Variants in UBE2V1 observed in about 807,000 individuals in gnomAD.
The protein encoded by UBE2V1 is ubiquitin-conjugating enzyme E2 variant 1.
In UBE2V1, 15 loss-of-function variants were observed where a neutral mutation model predicts 19.6. The observed-to-expected ratio is 0.77, with a 90% CI of 0.51 to 1.18. The LOEUF (loss-of-function observed/expected upper bound fraction) is 1.18, where lower values mean the gene tolerates loss of function less well. Among genes scored for constraint, UBE2V1 ranks in the 50% most tolerant of loss-of-function variants. The pLI, the probability that UBE2V1 is intolerant of heterozygous loss-of-function variation, is 0.00. For missense variants in UBE2V1, 125 were observed against 184.8 expected (o/e 0.68, Z 1.88); for synonymous variants, 60 against 60.7 (o/e 0.99, Z 0.05).
intron 1 of UBE2V1, among the ~76,000 whole-genome samples, chr20:50,100,047 G>A (rs948908422): frequency 1.3e-5 from 2 of 152,122 alleles, no homozygotes; most frequent in East Asian, 1.9e-4. Context: ...GCAGTGAGGC[G>A]AGACTGCACC....
At chr20:50,106,887 A>C (rs6012836) in intron 1 of UBE2V1, among the ~76,000 whole-genome samples, 4 of 149,900 alleles carry the variant, frequency 2.7e-5, no homozygotes, top group African/African-American at 5.0e-5. Context: ...AAAAAAAAAA[A>C]CAAAAAAAAG....
intron 1 of UBE2V1, among the ~76,000 whole-genome samples, chr20:50,112,386 G>A (rs1223735171): frequency 1.3e-5 from 2 of 152,144 alleles, no homozygotes; most frequent in South Asian, 2.1e-4. Flanking sequence ...CCTCGAACAG[G>A]AGACTGGTAA....
intron 2 of UBE2V1, among the ~76,000 whole-genome samples, chr20:50,085,924 G>T (rs1484072626): frequency 2.0e-5 from 3 of 151,552 alleles, no homozygotes; most frequent in Non-Finnish European, 4.4e-5. Flanking sequence ...TTCTACCTCT[G>T]AAAGAGACCC....
chr20:50,095,482 TAAG>T (rs1291865939), intron 2 of UBE2V1: 11 of 152,226 alleles, frequency 7.2e-5, no homozygotes, highest in Non-Finnish European at 2.9e-5. Context: ...CAAAATGACT[TAAG>T]AAGCAACATT....
chr20:50,089,043 GAA>G (rs1377374331), intron 2 of UBE2V1, among the ~76,000 whole-genome samples: 2 of 151,972 alleles, frequency 1.3e-5, no homozygotes, highest in African/African-American at 4.8e-5. Flanking sequence ...GATAAATCAG[GAA>G]AAAAGACTCC....
chr20:50,097,497 C>T (rs1392385178), intron 1 of UBE2V1, among the ~76,000 whole-genome samples: 6 of 152,140 alleles, frequency 3.9e-5, no homozygotes, highest in East Asian at 3.9e-4. Flanking sequence ...GCCACAGTAC[C>T]GGGTTCAGGC....
intron 1 of UBE2V1, among the ~76,000 whole-genome samples, chr20:50,101,896 T>C (rs1252180492): frequency 6.6e-6 from 1 of 152,230 alleles, no homozygotes; most frequent in East Asian, 1.9e-4. Flanking sequence ...AGGACACTGT[T>C]ACTTAGCCTT....
Position 50,084,263 on chromosome 20 carries a change from A to G in UBE2V1, c.172-9T>C. On this transcript the variant is annotated splice_polypyrimidine_tract_variant and intron_variant, in intron 2 of 3. Transcript: ENST00000371674. ...CGGTTTTCATAAATTGTCTGGAAAA[A>G]AAGAGTACGGAGATGTCACGCAATT... is the stretch of plus-strand genomic sequence containing the variant. 3 of 1,610,178 alleles carry G rather than the reference A, an allele frequency of 1.9e-6. No individual in the cohort carries two copies. The highest frequency in any genetic ancestry group is 2.2e-5 in the East Asian group (1 of 44,776).
chr20:50,084,224 T>C lies in UBE2V1; in HGVS notation c.202A>G (p.Lys68Glu). Residue 68 changes from lysine (K) to glutamate (E), a missense_variant, in exon 3 of 4, where the codon AAA (lysine) becomes GAA (glutamate). By Grantham distance (56) the Lys-to-Glu change is moderately conservative. This residue lies in a region of UBE2V1 where 78 missense variants were observed against 108.8 expected (regional missense o/e 0.72). Coordinates refer to ENST00000371674, the MANE Select transcript of UBE2V1 (RefSeq NM_001032288.3). Reference sequence around the variant, plus strand: ...GGGTATTTAGGTCCACATTCTATTTTAAGGCTGTATATTCGGTTTTCATAA... The same window carrying C: ...GGGTATTTAGGTCCACATTCTATTTCAAGGCTGTATATTCGGTTTTCATAA... Reference protein sequence around the residue: ...TIYENRIYSLKIECGPKYPEA... With the variant: ...TIYENRIYSLEIECGPKYPEA... The C allele has an allele frequency of 6.2e-7, 1 of 1,612,144 alleles. No homozygotes were observed. Among genetic ancestry groups the C allele is most frequent in the Non-Finnish European group, 8.5e-7 (1 of 1,179,242 alleles).
At chr20:50,115,361 CT>C (rs1336962672), upstream of UBE2V1, 8 of 1,368,512 alleles carry the variant, frequency 5.8e-6, no homozygotes, top group Non-Finnish European at 7.6e-6. Context: ...AGCAACTTGA[CT>C]TTTCGTGTAT....
At chr20:50,101,534 G>T (rs1601090974) in intron 1 of UBE2V1, among the ~76,000 whole-genome samples, 1 of 105,004 alleles carries the variant, frequency 9.5e-6, no homozygotes, top group African/African-American at 3.7e-5. Context: ...TTCTCATGAT[G>T]TTTAATGTGT....
chr20:50,093,617 T>G (rs1359139482), intron 2 of UBE2V1, among the ~76,000 whole-genome samples: 1 of 152,304 alleles, frequency 6.6e-6, no homozygotes, highest in South Asian at 2.1e-4. Flanking sequence ...GGAAACAGTT[T>G]GGCATTTCCT....
intron 1 of UBE2V1, among the ~76,000 whole-genome samples, chr20:50,110,394 G>A (rs1315373243): frequency 6.6e-6 from 1 of 152,202 alleles, no homozygotes; most frequent in African/African-American, 2.4e-5. Flanking sequence ...AAAAAACTAA[G>A]TTCAGCCCTT....
intron 2 of UBE2V1, chr20:50,096,340 A>C (rs1253766568): frequency 3.0e-6 from 1 of 328,500 alleles, no homozygotes; most frequent in Non-Finnish European, 5.5e-6. Context: ...TGGCTTCAGG[A>C]ATGCTGGCTA....
At chr20:50,112,394 T>G (rs1424066060) in intron 1 of UBE2V1, among the ~76,000 whole-genome samples, 2 of 152,182 alleles carry the variant, frequency 1.3e-5, no homozygotes, top group Non-Finnish European at 1.5e-5. Flanking sequence ...AGGAGACTGG[T>G]AATGATGGGG....
At chr20:50,095,161 G>A (rs964210051) in intron 2 of UBE2V1, 3 of 152,154 alleles carry the variant, frequency 2.0e-5, no homozygotes, top group Non-Finnish European at 2.9e-5. Context: ...CAAATCTACT[G>A]AGTACCCCAT....
At chr20:50,089,204 GGAGTTTACCAGGGTT>G (rs2079088518) in intron 2 of UBE2V1, among the ~76,000 whole-genome samples, 1 of 152,178 alleles carries the variant, frequency 6.6e-6, no homozygotes, top group African/African-American at 2.4e-5. Context: ...GGGATAAGCT[GGAGTTTACCAGGGTT>G]GAGTTTACCA....
chr20:50,096,256 A>C (rs2079615595), intron 2 of UBE2V1: 1 of 255,232 alleles, frequency 3.9e-6, no homozygotes, highest in Non-Finnish European at 7.6e-6. Context: ...ACTAGGATAC[A>C]GGTGCACGGC....
chr20:50,091,138 C>G (rs1373425156), intron 2 of UBE2V1, among the ~76,000 whole-genome samples: 1 of 152,160 alleles, frequency 6.6e-6, no homozygotes, highest in Non-Finnish European at 1.5e-5. Context: ...CCTCTGCCTC[C>G]TGGGTTCAAG....
Sources: gnomAD v4.1 joint callset for allele counts (sites outside exome capture counted in the v4.1 genomes callset) on GRCh38, gnomAD v4.1.1 for gene constraint, gnomAD v4.1.1 regional missense constraint, MANE v1.5 for transcripts, NCBI Gene and HGNC (gene_info 2026-07-23, HGNC 2026-07-21) for gene names.